Variants in PYY observed in about 807,000 individuals in gnomAD.
The protein encoded by PYY is peptide tyrosine tyrosine.
In PYY, 12 loss-of-function variants were observed where a neutral mutation model predicts 10.3. That is an observed-to-expected ratio of 1.17 (90% confidence interval 0.75 to 1.89). The LOEUF (loss-of-function observed/expected upper bound fraction) is 1.89, where lower values mean the gene tolerates loss of function less well. PYY is among the 40% of genes most tolerant of loss of function. The probability of loss-of-function intolerance (pLI) is 0.00; values close to 1 mark genes in which losing one functional copy is unlikely to be tolerated. For missense variants in PYY, 141 were observed against 134.0 expected, an observed-to-expected ratio of 1.05 and a Z score of -0.26; for synonymous variants, 66 against 62.0, an observed-to-expected ratio of 1.06 and a Z score of -0.30.
At chr17:43,984,572 G>A (rs900782109) in intron 1 of PYY, among the ~76,000 whole-genome samples, 1 of 152,224 alleles carries the variant, frequency 6.6e-6, no homozygotes, top group East Asian at 1.9e-4. Flanking sequence ...AAACCTTAGG[G>A]CTTGCAGCTG....
intron 1 of PYY, among the ~76,000 whole-genome samples, chr17:43,996,586 T>C (rs2048993689): frequency 6.6e-6 from 1 of 151,230 alleles, no homozygotes; most frequent in African/African-American, 2.4e-5. Flanking sequence ...TACCTCAGCC[T>C]CCCAAGCAGC....
chr17:44,003,800 T>C (rs2143976024), intron 1 of PYY, among the ~76,000 whole-genome samples: 1 of 151,152 alleles, frequency 6.6e-6, no homozygotes, highest in Non-Finnish European at 1.5e-5. Flanking sequence ...CTGGGCAACA[T>C]GGTGAACACC....
chr17:44,000,833 G>T (rs1439899388), intron 1 of PYY, among the ~76,000 whole-genome samples: 1 of 152,046 alleles, frequency 6.6e-6, no homozygotes, highest in African/African-American at 2.4e-5. Flanking sequence ...GGGATTATAG[G>T]CATGAGCCAC....
chr17:43,999,703 G>A (rs2049013215), intron 1 of PYY, among the ~76,000 whole-genome samples: 2 of 151,954 alleles, frequency 1.3e-5, no homozygotes. Context: ...AGGAGGCAGA[G>A]GTTGCAGTGA....
intron 2 of PYY, among the ~76,000 whole-genome samples, chr17:43,964,512 A>C (rs923072352): frequency 6.6e-6 from 1 of 152,236 alleles, no homozygotes. Flanking sequence ...GCACTTTGGG[A>C]GGCCAAGGCA....
intron 1 of PYY, among the ~76,000 whole-genome samples, chr17:43,991,666 T>C (rs975286357): frequency 2.0e-5 from 3 of 151,854 alleles, no homozygotes; most frequent in Non-Finnish European, 4.4e-5. Flanking sequence ...ACTCCATCTC[T>C]ACAAAAAATT....
chr17:43,993,316 C>T (rs2631306), intron 1 of PYY, among the ~76,000 whole-genome samples: 81,478 of 151,912 alleles, frequency 0.54, 22,912 homozygotes, highest in Middle Eastern at 0.75. Flanking sequence ...AAAAATTAGC[C>T]GGGCGTGGTG....
rs1348835952 is a variant in PYY, at chr17:43,953,296, C to T, written c.188G>A (p.Arg63Gln). ...GGTCCCGCTCCGCGCCTGCGCTCAC[C>T]GCTGCCGGGTGACCAGGTTGAGGTA... ...RHYLNLVTRQ[R>Q]YGKRDGPDTL... Residue 63 changes from arginine to glutamine, a missense_variant and splice_region_variant, in exon 2 of 4, where the codon CGG (arginine) becomes CAG (glutamine). Coordinates refer to ENST00000692052, the MANE Select transcript of PYY (RefSeq NM_001394028.1). 6.2e-7 allele frequency: 1 copy of T among 1,611,826 alleles called. No homozygotes were observed.
intron 2 of PYY, among the ~76,000 whole-genome samples, chr17:43,963,619 A>AAAGG: frequency 1.3e-5 from 1 of 78,228 alleles, no homozygotes; most frequent in South Asian, 5.7e-4. Flanking sequence ...AGAAAGAAAG[A>AAAGG]AAGAAAGAGA....
At chr17:43,974,852 AT>A (rs2048818444) in intron 1 of PYY, among the ~76,000 whole-genome samples, 1 of 151,980 alleles carries the variant, frequency 6.6e-6, no homozygotes, top group African/African-American at 2.4e-5. Flanking sequence ...TATAGTTTAT[AT>A]TTTTCTACAG....
chr17:44,002,069 G>C (rs1268618476), intron 1 of PYY, among the ~76,000 whole-genome samples: 1 of 152,186 alleles, frequency 6.6e-6, no homozygotes, highest in Non-Finnish European at 1.5e-5. Flanking sequence ...CCACCAGGTA[G>C]GGGGTGCAGC....
At position 43,976,265 on chromosome 17, in the gene PYY, A is replaced by G. The variant is rs548280153; in HGVS notation, c.-462-9733T>C. ...TATATACACATATGTATACATGTAT[A>G]CATGTACGTATATATACGCATATGT... On this transcript the variant is annotated intron_variant, in intron 1 of 6. Coordinates refer to the PYY transcript ENST00000360085. 3.0e-3 allele frequency among the ~76,000 whole-genome samples: 442 copies of G among 145,908 alleles called. 15 individuals are homozygous for G. The highest frequency in any genetic ancestry group is 7.1e-3 in the Middle Eastern group (2 of 282).
chr17:43,984,114 C>T (rs1042858617), intron 1 of PYY, among the ~76,000 whole-genome samples: 12 of 152,176 alleles, frequency 7.9e-5, no homozygotes, highest in African/African-American at 2.9e-4. Context: ...GGCGGCGGGG[C>T]GGCCCCTCTC....
chr17:43,968,114 G>A (rs1254973234), intron 1 of PYY, among the ~76,000 whole-genome samples: 1 of 152,168 alleles, frequency 6.6e-6, no homozygotes, highest in African/African-American at 2.4e-5. Flanking sequence ...GCCAGGGGCT[G>A]TGGATCATGT....
chr17:43,966,292 A>G (rs1033754221), exon 2 of PYY: 2 of 153,246 alleles, frequency 1.3e-5, no homozygotes, highest in Admixed American at 6.5e-5. Context: ...GCTCACCCTT[A>G]TCTTAGCTTG....
chr17:43,975,737 T>TATATATATACACACACACACAC (rs1348696118), intron 1 of PYY, among the ~76,000 whole-genome samples: 2 of 141,416 alleles, frequency 1.4e-5, no homozygotes, highest in African/African-American at 2.6e-5. Context: ...TATATATATA[T>TATATATATACACACACACACAC]ATATATATAC....
At chr17:43,963,601 A>AGAAAGAAC (rs2048731555) in intron 2 of PYY, among the ~76,000 whole-genome samples, 1 of 85,812 alleles carries the variant, frequency 1.2e-5, no homozygotes. Flanking sequence ...AAAGAAAGAA[A>AGAAAGAAC]GAAAGAAAGA....
chr17:43,958,912 C>A (rs1315093976), upstream of PYY, among the ~76,000 whole-genome samples: 2 of 152,140 alleles, frequency 1.3e-5, no homozygotes, highest in Non-Finnish European at 2.9e-5. Context: ...TGTTTCCTTG[C>A]AAACTACGTT....
chr17:43,984,159 G>A (rs965636906), intron 1 of PYY, among the ~76,000 whole-genome samples: 2 of 152,236 alleles, frequency 1.3e-5, no homozygotes, highest in Non-Finnish European at 2.9e-5. Flanking sequence ...CGCTGTTAGG[G>A]GGGGCGCCAG....
Sources: gnomAD v4.1 joint callset for allele counts (sites outside exome capture counted in the v4.1 genomes callset) on GRCh38, gnomAD v4.1.1 for gene constraint, MANE v1.5 for transcripts, NCBI Gene and HGNC (gene_info 2026-07-23, HGNC 2026-07-21) for gene names.